CUL2: variants seen among roughly 807,000 people sequenced by gnomAD.
CUL2 encodes cullin 2.
A neutral mutation model predicts 110.2 loss-of-function variants in CUL2; 22 were observed. The ratio of observed to expected loss-of-function variants is 0.20; its 90% CI spans 0.14 to 0.28. The LOEUF is 0.28. Ranked by LOEUF, CUL2 falls within the 10% of genes least tolerant of loss-of-function variation. The pLI is 1.00. For missense variants in CUL2, 631 were observed against 905.5 expected (o/e 0.70, Z 3.89); for synonymous variants, 279 against 293.2 (o/e 0.95, Z 0.49).
rs543370266 is a variant in CUL2, at chr10:35,055,931, T to C, written c.318-1392A>G. Among the ~76,000 whole-genome samples, 8 of 152,244 alleles carry C rather than the reference T, an allele frequency of 5.3e-5. No individual in the cohort carries two copies. The South Asian group carries it at 6.2e-4, about 12-fold the overall frequency. On this transcript the variant is annotated intron_variant, in intron 4 of 20. Transcript: ENST00000374749. ...TGCCCCATCCCAGATATTCTGAGGG[T>C]AGTCAGTCCCCTTTCATCCGAGTCT...
chr10:35,074,172 A>G (rs2086756147), intron 1 of CUL2: 2 of 1,534,822 alleles, frequency 1.3e-6, no homozygotes, highest in Non-Finnish European at 1.7e-6. Context: ...GCCCTTATCA[A>G]AGACACAAAA....
At chr10:35,030,822 G>GGATGGC (rs11283661) in intron 14 of CUL2, among the ~76,000 whole-genome samples, 1 of 151,686 alleles carries the variant, frequency 6.6e-6, no homozygotes, top group Non-Finnish European at 1.5e-5. Flanking sequence ...GAGCCCAGGA[G>GGATGGC]TTAGAGTCCA....
chr10:35,057,172 C>T (rs2086259035), intron 4 of CUL2, among the ~76,000 whole-genome samples: 1 of 152,166 alleles, frequency 6.6e-6, no homozygotes, highest in South Asian at 2.1e-4. Flanking sequence ...CTAATCCATT[C>T]CAAAGATCTA....
intron 1 of CUL2, among the ~76,000 whole-genome samples, chr10:35,116,501 T>C (rs1026802234): frequency 9.9e-5 from 15 of 152,208 alleles, no homozygotes; most frequent in Admixed American, 3.3e-4. Flanking sequence ...TCTGATGATG[T>C]TTAATTTCAC....
At chr10:35,081,912 C>A (rs571862158) in intron 1 of CUL2, among the ~76,000 whole-genome samples, 11 of 152,232 alleles carry the variant, frequency 7.2e-5, no homozygotes, top group South Asian at 6.2e-4. Flanking sequence ...ATAGAAGACA[C>A]AGGCATGGAA....
intron 2 of CUL2, among the ~76,000 whole-genome samples, chr10:35,068,676 A>G (rs143019671): frequency 7.3e-4 from 111 of 152,318 alleles, no homozygotes; most frequent in African/African-American, 2.5e-3. Flanking sequence ...ATGCATGCTA[A>G]AAGTTCAAAT....
chr10:35,112,783 T>C (rs1160466167), intron 1 of CUL2, among the ~76,000 whole-genome samples: 1 of 152,210 alleles, frequency 6.6e-6, no homozygotes, highest in East Asian at 1.9e-4. Context: ...GGTTGTTGCC[T>C]GAGTTGTGAA....
At chr10:35,050,091 G>A (rs1259347335) in intron 5 of CUL2, among the ~76,000 whole-genome samples, 2 of 152,104 alleles carry the variant, frequency 1.3e-5, no homozygotes, top group African/African-American at 4.8e-5. Flanking sequence ...GGGAGGCCAA[G>A]GTGGGCACAT....
At chr10:35,077,731 C>T (rs1443030194) in intron 1 of CUL2, among the ~76,000 whole-genome samples, 4 of 150,980 alleles carry the variant, frequency 2.6e-5, no homozygotes, top group East Asian at 1.9e-4. Flanking sequence ...GCAGGAGAAT[C>T]GCTTGAACCC....
intron 2 of CUL2, 38 bp downstream of exon 2, chr10:35,071,161 A>C: frequency 8.1e-6 from 13 of 1,596,080 alleles, no homozygotes; most frequent in Non-Finnish European, 1.1e-5. Context: ...AAATTTATCA[A>C]TTTTAGAACA....
At chr10:35,021,688 G>A (rs950688338) in intron 17 of CUL2, among the ~76,000 whole-genome samples, 4 of 150,606 alleles carry the variant, frequency 2.7e-5, no homozygotes, top group Non-Finnish European at 3.0e-5. Flanking sequence ...TCTGGGCTCT[G>A]GTGACCTCAG....
At chr10:35,017,844 T>C (rs554098904) in intron 17 of CUL2, among the ~76,000 whole-genome samples, 33 of 145,730 alleles carry the variant, frequency 2.3e-4, no homozygotes, top group African/African-American at 8.4e-4. Context: ...ATGGCAAACA[T>C]GTCTACACTC....
intron 10 of CUL2, among the ~76,000 whole-genome samples, chr10:35,033,756 CAAA>C (rs66943310): frequency 3.5e-4 from 47 of 134,550 alleles, no homozygotes; most frequent in Middle Eastern, 3.7e-3. Flanking sequence ...ACAACAACAA[CAAA>C]AAAAAAAAAA....
chr10:35,017,278 C>T (rs72789609), intron 17 of CUL2, among the ~76,000 whole-genome samples: 46,669 of 152,110 alleles, frequency 0.31, 7,468 homozygotes, highest in South Asian at 0.35. Context: ...GAGAGACAAA[C>T]AGGCAGACCC....
At position 35,060,933 on chromosome 10, in the gene CUL2, C is replaced by G; in HGVS notation, c.258G>C (p.Met86Ile). 6.2e-7 allele frequency: 1 copy of G among 1,613,808 alleles called. No individual in the cohort carries two copies. Among genetic ancestry groups the G allele is most frequent in the Non-Finnish European group, 8.5e-7 (1 of 1,179,890 alleles). Residue 86 changes from methionine to isoleucine, a missense_variant, in exon 4 of 21, where the codon ATG becomes ATC. Physicochemically the swap from Met to Ile is conservative, Grantham distance 10 (BLOSUM62 1). This residue lies in a region of CUL2 where 338 missense variants were observed against 442.5 expected (regional missense o/e 0.76). Transcript: ENST00000374749. ...VLESEEQVLV[M>I]YHRYWEEYSK... ...TGTATTCTTCCCAGTACCTATGATA[C>G]ATAACAAGTACTTGTTCTTCTGACT...
At chr10:35,023,464 T>C (rs1248347165) in intron 17 of CUL2, among the ~76,000 whole-genome samples, 1 of 152,216 alleles carries the variant, frequency 6.6e-6, no homozygotes, top group Non-Finnish European at 1.5e-5. Flanking sequence ...CTTAGAAATT[T>C]AGTATAGCTC....
At chr10:35,069,269 T>C (rs1222067215) in intron 2 of CUL2, among the ~76,000 whole-genome samples, 3 of 152,122 alleles carry the variant, frequency 2.0e-5, no homozygotes, top group Admixed American at 1.3e-4. Context: ...CTGGGCAAGG[T>C]GGCTCACACC....
intron 6 of CUL2, among the ~76,000 whole-genome samples, chr10:35,047,482 C>T (rs971935540): frequency 1.3e-5 from 2 of 151,120 alleles, no homozygotes; most frequent in Non-Finnish European, 2.9e-5. Context: ...TGGTGGTGCG[C>T]GTCTGTAGTC....
At chr10:35,077,679 C>A (rs918513665) in intron 1 of CUL2, among the ~76,000 whole-genome samples, 1 of 150,246 alleles carries the variant, frequency 6.7e-6, no homozygotes, top group African/African-American at 2.4e-5. Context: ...TAGCCGGGCA[C>A]GGTGGCACAT....
Sources: gnomAD v4.1 joint callset for allele counts (sites outside exome capture counted in the v4.1 genomes callset) on GRCh38, gnomAD v4.1.1 for gene constraint, gnomAD v4.1.1 regional missense constraint, MANE v1.5 for transcripts, NCBI Gene and HGNC (gene_info 2026-07-23, HGNC 2026-07-21) for gene names.